GFI1B: variants seen among roughly 807,000 people sequenced by gnomAD.
GFI1B encodes the protein zinc finger protein Gfi-1b.
Under a neutral mutation model 35.3 loss-of-function variants are expected in GFI1B, and 20 were observed. That is an observed-to-expected ratio of 0.57 (90% CI 0.40 to 0.82). The LOEUF is 0.82. GFI1B is among the 40% of genes least tolerant of loss of function. The pLI is 0.00. For synonymous variants in GFI1B, 178 were observed against 177.6 expected (o/e 1.00, Z -0.02); for missense variants, 430 against 446.3 (o/e 0.96, Z 0.33).
intron 1 of GFI1B, among the ~76,000 whole-genome samples, chr9:132,986,221 C>G (rs1017089380): frequency 4.6e-5 from 7 of 152,082 alleles, no homozygotes; most frequent in Admixed American, 3.9e-4. Context: ...GTTTCATGCC[C>G]CTCTCTGAGT....
intron 1 of GFI1B, among the ~76,000 whole-genome samples, chr9:132,970,625 G>A (rs988499358): frequency 2.6e-4 from 39 of 152,250 alleles, no homozygotes; most frequent in Admixed American, 2.2e-3. Flanking sequence ...TGACCATAGC[G>A]CCAGCCCTGC....
intron 1 of GFI1B, among the ~76,000 whole-genome samples, chr9:132,964,443 T>A (rs1422964855): frequency 6.6e-6 from 1 of 152,100 alleles, no homozygotes; most frequent in Non-Finnish European, 1.5e-5. Flanking sequence ...AGAATATCAA[T>A]AGGAACTTGT....
chr9:132,955,808 A>ATGTGTGTGTGTGTGTGTGTGCATGTGTG (rs1848274428), intron 1 of GFI1B, among the ~76,000 whole-genome samples: 1 of 146,428 alleles, frequency 6.8e-6, no homozygotes, highest in African/African-American at 2.5e-5. Flanking sequence ...GTGTGTGTGC[A>ATGTGTGTGTGTGTGTGTGTGCATGTGTG]TGTGTGTGTG....
rs544067705 is a variant in GFI1B, at chr9:132,954,165, C to T, written c.-701+8496C>T. ...AATGCAGTGGTGCGATCTCAGCCCA[C>T]TGCAACCTCCACCTCCCAGGGCTCA... is the stretch of plus-strand genomic sequence containing the variant. On this transcript the variant is annotated intron_variant, in intron 1 of 10. Transcript: ENST00000339463. 9.2e-5 allele frequency among the ~76,000 whole-genome samples: 14 copies of T among 152,256 alleles called. No individual in the cohort carries two copies. In the East Asian group the frequency reaches 2.1e-3, roughly 23 times the overall value.
chr9:132,947,680 G>A (rs1848140242), intron 1 of GFI1B, among the ~76,000 whole-genome samples: 1 of 151,768 alleles, frequency 6.6e-6, no homozygotes, highest in East Asian at 1.9e-4. Flanking sequence ...GTGGTGGCGG[G>A]TACCTATAAT....
At chr9:132,992,745 T>C (rs1588446031), downstream of GFI1B, among the ~76,000 whole-genome samples, 4 of 152,144 alleles carry the variant, frequency 2.6e-5, no homozygotes, top group Admixed American at 1.3e-4. Flanking sequence ...TTAGGAGCCA[T>C]TGAATGTGGA....
At chr9:132,946,857 C>G (rs1848116281) in intron 1 of GFI1B, 1 of 152,338 alleles carries the variant, frequency 6.6e-6, no homozygotes, top group Non-Finnish European at 1.5e-5. Context: ...TCCAGGGGGC[C>G]ATAACCACAT....
chr9:132,984,442 A>G (rs371032531), intron 1 of GFI1B, among the ~76,000 whole-genome samples: 1 of 152,188 alleles, frequency 6.6e-6, no homozygotes, highest in East Asian at 1.9e-4. Context: ...GACCGCGGGA[A>G]GGGACCCCAG....
At chr9:132,963,442 A>G (rs1848399141) in intron 1 of GFI1B, among the ~76,000 whole-genome samples, 1 of 152,076 alleles carries the variant, frequency 6.6e-6, no homozygotes, top group African/African-American at 2.4e-5. Flanking sequence ...ATCACGCCAG[A>G]TGCATTCCAG....
chr9:132,986,297 C>T (rs1370812611), intron 1 of GFI1B, among the ~76,000 whole-genome samples: 2 of 148,648 alleles, frequency 1.3e-5, no homozygotes, highest in South Asian at 2.1e-4. Context: ...TGGCGGCTGT[C>T]GGCACTGCCT....
chr9:132,992,910 T>C (rs1333348775), downstream of GFI1B, among the ~76,000 whole-genome samples: 1 of 151,932 alleles, frequency 6.6e-6, no homozygotes, highest in African/African-American at 2.4e-5. Flanking sequence ...TTTCCATACA[T>C]TGTCTCTAAC....
At position 132,989,053 on chromosome 9, in the gene GFI1B, G is replaced by T; in HGVS notation, c.511-8G>T. 2 of 1,613,900 alleles carry T rather than the reference G, an allele frequency of 1.2e-6. No individual in the cohort carries two copies. The highest frequency in any genetic ancestry group is 1.7e-6 in the Non-Finnish European group (2 of 1,179,808). On this transcript the variant is annotated splice_region_variant and splice_polypyrimidine_tract_variant and intron_variant, in intron 4 of 6. Transcript: ENST00000372122. This position sits in a 1 kb window ranked among gnomAD's most constrained non-coding sequence, Gnocchi z 6.2. ...CCCAGTGGCCTCACATGCTGCCCCT[G>T]CTCCCAGGTCTTCTCCACCCCTCAC...
intron 1 of GFI1B, among the ~76,000 whole-genome samples, chr9:132,967,189 G>C (rs1285077041): frequency 2.6e-5 from 4 of 152,140 alleles, no homozygotes; most frequent in Non-Finnish European, 4.4e-5. Context: ...GAGTAATGCA[G>C]CACAAAAGCC....
At position 132,987,192 on chromosome 9, in the gene GFI1B, C is replaced by T. The variant is rs577357655; in HGVS notation, c.101-90C>T. 1.6e-5 allele frequency: 22 copies of T among 1,384,192 alleles called. No homozygotes were observed. The South Asian group carries it at 2.6e-4, about 16-fold the overall frequency. 85.7% of individuals were successfully genotyped at this position (1,384,192 alleles called of 1,614,324 possible). A position where few individuals can be genotyped will look rare whatever the true frequency, so the allele number is the denominator to read the frequency against. On this transcript the variant is annotated intron_variant, in intron 2 of 6. Transcript: ENST00000372122. Reference sequence around the variant, plus strand: ...GGCACGTGGCTGTCTCTCTGGGCCTCCTCCTCCTAGGAAGGGCGTGCCCTC... The same window carrying T: ...GGCACGTGGCTGTCTCTCTGGGCCTTCTCCTCCTAGGAAGGGCGTGCCCTC...
intron 2 of GFI1B, among the ~76,000 whole-genome samples, chr9:132,973,170 T>C (rs1365656673): frequency 1.3e-5 from 2 of 152,232 alleles, no homozygotes; most frequent in Non-Finnish European, 2.9e-5. Flanking sequence ...GACCGTCACA[T>C]TCTGTGGCTG....
At chr9:132,960,784 G>A (rs988888265) in intron 1 of GFI1B, among the ~76,000 whole-genome samples, 2 of 151,800 alleles carry the variant, frequency 1.3e-5, no homozygotes, top group African/African-American at 2.4e-5. Flanking sequence ...TTACAAGCAT[G>A]AGCCACCGAG....
At chr9:132,984,175 C>T (rs1379662558) in intron 1 of GFI1B, among the ~76,000 whole-genome samples, 1 of 152,120 alleles carries the variant, frequency 6.6e-6, no homozygotes, top group Non-Finnish European at 1.5e-5. Flanking sequence ...CCTCACAGGC[C>T]CCCTCAAAAC....
At chr9:132,951,647 C>T (rs1040360007) in intron 1 of GFI1B, 6 of 152,236 alleles carry the variant, frequency 3.9e-5, no homozygotes, top group Non-Finnish European at 8.8e-5. Flanking sequence ...CGCAGTCCCC[C>T]TCTCCTCACA....
At chr9:132,962,143 T>C (rs921120849) in intron 1 of GFI1B, among the ~76,000 whole-genome samples, 4 of 147,782 alleles carry the variant, frequency 2.7e-5, no homozygotes, top group Non-Finnish European at 5.9e-5. Context: ...TTTTCTTTTT[T>C]TTTTTTTCTT....
Sources: allele counts gnomAD v4.1 joint callset (sites outside exome capture counted in the v4.1 genomes callset), GRCh38; gene constraint gnomAD v4.1.1; non-coding constraint Gnocchi (gnomAD v3.1); transcripts MANE v1.5; gene names NCBI Gene and HGNC (gene_info 2026-07-23, HGNC 2026-07-21).